Variants in SNTG1 observed in about 807,000 individuals in gnomAD.
SNTG1 encodes the protein syntrophin gamma 1, also known as gamma-1-syntrophin.
In SNTG1, 39 loss-of-function variants were observed where a neutral mutation model predicts 74.7. The observed-to-expected ratio is 0.52, with a 90% CI of 0.40 to 0.68. The LOEUF is 0.68. SNTG1 is among the 30% of genes least tolerant of loss of function. The pLI is 0.00. For synonymous variants in SNTG1, 254 were observed against 217.1 expected (o/e 1.17, Z -1.49); for missense variants, 685 against 609.5 (o/e 1.12, Z -1.30).
chr8:50,329,004 A>C (rs76261861), intron 2 of SNTG1, among the ~76,000 whole-genome samples: 6,913 of 152,272 alleles, frequency 0.045, 215 homozygotes, highest in Non-Finnish European at 0.068. Flanking sequence ...AAATTGGCCA[A>C]AACAAAAGAG....
chr8:50,104,882 G>A (rs907661703), intron 1 of SNTG1, among the ~76,000 whole-genome samples: 3 of 151,972 alleles, frequency 2.0e-5, no homozygotes, highest in African/African-American at 4.8e-5. Flanking sequence ...TTTCAATGGG[G>A]TTGTTTGTTT....
intron 3 of SNTG1, among the ~76,000 whole-genome samples, chr8:50,395,394 AGT>A (rs1423259511): frequency 3.3e-5 from 5 of 151,874 alleles, no homozygotes; most frequent in Non-Finnish European, 7.4e-5. Context: ...ATAAGGTCAG[AGT>A]GTGTACATTA....
chr8:50,011,822 G>A (rs1815834911), intron 1 of SNTG1: 1 of 152,180 alleles, frequency 6.6e-6, no homozygotes, highest in South Asian at 2.1e-4. Context: ...TGAGAGCATA[G>A]CAATGAATAC....
At chr8:50,131,353 A>G (rs940336487) in intron 1 of SNTG1, among the ~76,000 whole-genome samples, 3 of 152,122 alleles carry the variant, frequency 2.0e-5, no homozygotes, top group South Asian at 2.1e-4. Flanking sequence ...AAAATTGTAT[A>G]TATTCAAGGT....
intron 2 of SNTG1, among the ~76,000 whole-genome samples, chr8:50,262,823 T>A (rs534998124): frequency 1.3e-5 from 2 of 151,848 alleles, no homozygotes; most frequent in Non-Finnish European, 2.9e-5. Flanking sequence ...AATTACTAAG[T>A]GAAAGAAGAA....
chr8:50,411,696 T>A (rs927356770), intron 4 of SNTG1, among the ~76,000 whole-genome samples: 2 of 152,162 alleles, frequency 1.3e-5, no homozygotes, highest in Non-Finnish European at 2.9e-5. Flanking sequence ...CTATTTCTTA[T>A]GTGATGTTTC....
At chr8:50,556,937 G>A (rs1444242688) in intron 12 of SNTG1, among the ~76,000 whole-genome samples, 1 of 152,108 alleles carries the variant, frequency 6.6e-6, no homozygotes, top group African/African-American at 2.4e-5. Flanking sequence ...GCACATGTCA[G>A]TCACATGCTG....
chr8:50,203,192 C>T (rs920739050), intron 2 of SNTG1, among the ~76,000 whole-genome samples: 2 of 152,124 alleles, frequency 1.3e-5, no homozygotes, highest in African/African-American at 2.4e-5. Context: ...ATGAATCCAT[C>T]AAAGGCATGT....
chr8:50,724,049 A>G (rs986427304), intron 17 of SNTG1, among the ~76,000 whole-genome samples: 6 of 152,294 alleles, frequency 3.9e-5, no homozygotes, highest in Middle Eastern at 3.4e-3. Flanking sequence ...CGAGAGAATA[A>G]AAAAGATAAT....
chr8:50,536,158 G>A (rs2094305810), intron 10 of SNTG1, among the ~76,000 whole-genome samples: 1 of 152,048 alleles, frequency 6.6e-6, no homozygotes, highest in Non-Finnish European at 1.5e-5. Context: ...TTAGAAAAAG[G>A]AGCACAGATT....
intron 4 of SNTG1, among the ~76,000 whole-genome samples, chr8:50,424,037 A>C (rs975141412): frequency 6.6e-6 from 1 of 152,184 alleles, no homozygotes; most frequent in South Asian, 2.1e-4. Context: ...ATCTCTTGTC[A>C]TAGACCAAAG....
intron 17 of SNTG1, among the ~76,000 whole-genome samples, chr8:50,732,989 T>C (rs2095516613): frequency 1.3e-5 from 2 of 152,014 alleles, no homozygotes; most frequent in Non-Finnish European, 2.9e-5. Flanking sequence ...GTTTGTTACA[T>C]GGGAATTTTC....
intron 18 of SNTG1, among the ~76,000 whole-genome samples, chr8:50,788,744 T>G (rs1315115319): frequency 6.6e-6 from 1 of 152,052 alleles, no homozygotes; most frequent in Non-Finnish European, 1.5e-5. Context: ...AGGCTATGAC[T>G]TTGCTTTGTA....
At chr8:50,393,337 CA>C (rs1304454625) in intron 2 of SNTG1, among the ~76,000 whole-genome samples, 1 of 151,966 alleles carries the variant, frequency 6.6e-6, no homozygotes, top group African/African-American at 2.4e-5. Flanking sequence ...AAAGAAATGC[CA>C]AAGAAAGATA....
At chr8:50,108,916 T>A (rs2080481083) in intron 1 of SNTG1, among the ~76,000 whole-genome samples, 1 of 152,170 alleles carries the variant, frequency 6.6e-6, no homozygotes, top group African/African-American at 2.4e-5. Flanking sequence ...GATGACCCTG[T>A]CTGGAGCAAT....
intron 11 of SNTG1, among the ~76,000 whole-genome samples, chr8:50,537,064 C>A (rs1053973130): frequency 3.9e-5 from 6 of 152,140 alleles, no homozygotes; most frequent in African/African-American, 1.4e-4. Context: ...ATTAAGTTTT[C>A]ATATTTCATA....
intron 8 of SNTG1, among the ~76,000 whole-genome samples, chr8:50,462,103 C>T (rs536322957): frequency 1.3e-5 from 2 of 152,064 alleles, no homozygotes; most frequent in South Asian, 4.2e-4. Context: ...AAAGAACTTA[C>T]CCATGTAACC....
intron 2 of SNTG1, among the ~76,000 whole-genome samples, chr8:50,346,710 A>C (rs934121987): frequency 1.3e-5 from 2 of 152,280 alleles, no homozygotes; most frequent in African/African-American, 4.8e-5. Context: ...GTGAACACAC[A>C]AGAATCTTAA....
chr8:50,323,333 G>C (rs991698112), intron 2 of SNTG1, among the ~76,000 whole-genome samples: 4 of 152,102 alleles, frequency 2.6e-5, no homozygotes, highest in African/African-American at 7.2e-5. Flanking sequence ...GTTTCTCCAG[G>C]ATTGCTCCCT....
Sources: gnomAD v4.1 joint callset for allele counts (sites outside exome capture counted in the v4.1 genomes callset) on GRCh38, gnomAD v4.1.1 for gene constraint, MANE v1.5 for transcripts, NCBI Gene and HGNC (gene_info 2026-07-23, HGNC 2026-07-21) for gene names.